Variants in ZNF501 observed in about 807,000 individuals in gnomAD.
The protein encoded by ZNF501 is zinc finger protein 501, also known as zinc finger protein 52.
Under a neutral mutation model 5.7 loss-of-function variants are expected in ZNF501, and 7 were observed. The observed-to-expected ratio is 1.24, with a 90% CI of 0.70 to 2.32. The LOEUF (loss-of-function observed/expected upper bound fraction) is 2.32, where lower values mean the gene tolerates loss of function less well. ZNF501 is among the 30% of genes most tolerant of loss of function. The probability of loss-of-function intolerance (pLI) is 0.00; values close to 1 mark genes in which losing one functional copy is unlikely to be tolerated. For missense variants in ZNF501, 352 were observed against 321.1 expected (o/e 1.10, Z -0.73); for synonymous variants, 107 against 101.9 (o/e 1.05, Z -0.30).
intron 2 of ZNF501, among the ~76,000 whole-genome samples, 156 bp from the exon 3 acceptor site, chr3:44,734,041 T>C (rs1704655203): frequency 6.6e-6 from 1 of 152,254 alleles, no homozygotes; most frequent in African/African-American, 2.4e-5. Flanking sequence ...AGGATACTTA[T>C]TCCTTTCATA....
rs762832975 is a variant in ZNF501, at chr3:44,734,436, A to G, written c.15A>G (p.Gln5=). The stretch of plus-strand genomic sequence containing the variant: ...TTACAAGCAGCATGAATTCCAGCCA[A>G]ATATCACTCAGAATGAAACATGGGA... The part of the protein sequence containing the change: MNSS[Q]ISLRMKHGRV... The change falls in exon 3 of 3, where the codon CAA becomes CAG. Residue 5 remains glutamine, a synonymous_variant. Coordinates refer to ENST00000620116, the MANE Select transcript of ZNF501 (RefSeq NM_001258280.2). The G allele has an allele frequency of 3.1e-6, 5 of 1,611,468 alleles. No homozygotes were observed. The South Asian group carries it at 3.3e-5, about 11-fold the overall frequency.
At chr3:44,730,128 A>G (rs1227732630) in intron 1 of ZNF501, 113 bp downstream of exon 1, 3 of 152,234 alleles carry the variant, frequency 2.0e-5, no homozygotes, top group Admixed American at 2.0e-4. Context: ...AGCAGGCACT[A>G]TTTATTGAAT....
intron 1 of ZNF501, 117 bp downstream of exon 1, chr3:44,730,132 A>G (rs780525102): frequency 1.3e-5 from 2 of 152,244 alleles, no homozygotes; most frequent in East Asian, 3.8e-4. Context: ...GGCACTATTT[A>G]TTGAATGCTT....
rs775346608 is a variant in ZNF501 at position 44,735,146 on chromosome 3, G to A, written c.725G>A (p.Gly242Glu). ...AGTGAGCATTACAGAATTCATACTG[G>A]AGAAAAACCTTATGAGTGTGTTGGA... ...HLSEHYRIHTGEKPYECVGCG... is the reference protein window; with the variant it reads ...HLSEHYRIHTEEKPYECVGCG... Residue 242 changes from glycine (G) to glutamate (E), a missense_variant, in exon 3 of 3, where the codon GGA (glycine) becomes GAA (glutamate). By Grantham distance (98) the Gly-to-Glu change is moderately conservative. Coordinates refer to ENST00000620116, the MANE Select transcript of ZNF501 (RefSeq NM_001258280.2). 6.2e-7 allele frequency: 1 copy of A among 1,613,992 alleles called. No individual in the cohort carries two copies. Among genetic ancestry groups the A allele is most frequent in the South Asian group, 1.1e-5 (1 of 91,060 alleles).
At chr3:44,733,215 C>T (rs149911436) in intron 2 of ZNF501, among the ~76,000 whole-genome samples, 12 of 152,222 alleles carry the variant, frequency 7.9e-5, no homozygotes, top group South Asian at 2.1e-4. Flanking sequence ...AAAAATGGGC[C>T]TCAGAGAAGA....
chr3:44,735,597 G>T lies in ZNF501; in HGVS notation c.*360G>T, dbSNP rs1245895867. ...AAAATCTGACAAGTAAATCAGCATT[G>T]TTGTTTGGTTCTCATAATGTATTGT... On this transcript the variant is annotated 3_prime_UTR_variant, in exon 3 of 3. Coordinates refer to ENST00000620116, the MANE Select transcript of ZNF501 (RefSeq NM_001258280.2). 1.1e-5 allele frequency: 2 copies of T among 186,426 alleles called. No individual in the cohort carries two copies. The highest frequency in any genetic ancestry group is 3.3e-4 in the East Asian group (2 of 6,122). The allele number at this position is 186,426 out of a possible 1,614,324, so 11.5% of individuals were successfully genotyped here.
chr3:44,734,019 A>G (rs1704654613), intron 2 of ZNF501, among the ~76,000 whole-genome samples, 178 bp from the exon 3 acceptor site: 1 of 152,234 alleles, frequency 6.6e-6, no homozygotes, highest in African/African-American at 2.4e-5. Context: ...TAACACTTAT[A>G]TGCCCAAGTC....
Position 44,735,248 on chromosome 3 carries a change from ATAATG to A in ZNF501, c.*12_*16del, listed in dbSNP as rs1704679901. 6.5e-7 allele frequency: 1 copy of A among 1,531,988 alleles called. No homozygotes were observed. Among genetic ancestry groups the A allele is most frequent in the Non-Finnish European group, 8.8e-7 (1 of 1,140,760 alleles). The allele number at this position is 1,531,988 out of a possible 1,614,324, so 94.9% of individuals were successfully genotyped here. A position where few individuals can be genotyped will look rare whatever the true frequency, so the allele number is the denominator to read the frequency against. ...CATGCTGGAGAGTAAAATTTGGAAT[ATAATG>A]AGTATGGGAAGATTTGTATGGAAGC... is the stretch of plus-strand genomic sequence containing the variant. On this transcript the variant is annotated 3_prime_UTR_variant, in exon 3 of 3. Transcript: ENST00000620116.
chr3:44,730,145 C>G (rs1704587940), intron 1 of ZNF501, 130 bp downstream of exon 1: 1 of 152,136 alleles, frequency 6.6e-6, no homozygotes, highest in African/African-American at 2.4e-5. Context: ...GAATGCTTAC[C>G]AGCTGGCATT....
chr3:44,735,363 T>C lies in ZNF501; in HGVS notation c.*126T>C, dbSNP rs1575552346. On this transcript the variant is annotated 3_prime_UTR_variant, in exon 3 of 3. Transcript: ENST00000620116. ...ATTTTGTATTTTGAACAAGAAATGT[T>C]GTGTCCTAATGTGTCCTAGTCTGGA... 2 of 822,260 alleles carry C rather than the reference T, an allele frequency of 2.4e-6. No individual in the cohort carries two copies. The highest frequency in any genetic ancestry group is 3.8e-6 in the Non-Finnish European group (2 of 531,044). The allele number at this position is 822,260 out of a possible 1,614,324, so 50.9% of individuals were successfully genotyped here.
chr3:44,736,517 C>T lies in ZNF501; in HGVS notation c.*1280C>T, dbSNP rs1311825241. 2 of 166,946 alleles carry T rather than the reference C, an allele frequency of 1.2e-5. No homozygotes were observed. Among genetic ancestry groups the T allele is most frequent in the African/African-American group, 4.8e-5 (2 of 41,398 alleles). 10.3% of individuals were successfully genotyped at this position (166,946 alleles called of 1,614,324 possible). A position where few individuals can be genotyped will look rare whatever the true frequency, so the allele number is the denominator to read the frequency against. On this transcript the variant is annotated 3_prime_UTR_variant, in exon 3 of 3. Transcript: ENST00000620116. ...AAGTCACATACAGGTAATTTCCCAC[C>T]ATTGAACCTTCCTGTTGGTGTGAGA...
At position 44,735,201 on chromosome 3, in the gene ZNF501, A is replaced by C. The variant is rs1704678493; in HGVS notation, c.780A>C (p.Ala260=). ...GCGKSFRHSS[A]LLRHQRLHAG... ...GGAAATCCTTTAGGCACAGTTCAGC[A>C]CTTCTTCGACATCAGAGGCTTCATG... is the stretch of plus-strand genomic sequence containing the variant. Residue 260 remains alanine (A), a synonymous_variant, in exon 3 of 3, where the codon GCA becomes GCC. Coordinates refer to ENST00000620116, the MANE Select transcript of ZNF501 (RefSeq NM_001258280.2). 1.9e-6 allele frequency: 3 copies of C among 1,589,476 alleles called. No homozygotes were observed. Among genetic ancestry groups the C allele is most frequent in the Middle Eastern group, 1.7e-4 (1 of 5,950 alleles).
chr3:44,732,305 A>G (rs1704627033), intron 2 of ZNF501: 1 of 152,214 alleles, frequency 6.6e-6, no homozygotes, highest in Admixed American at 6.5e-5. Context: ...GTAGCTGACC[A>G]TTTAATAGAA....
chr3:44,735,258 T>C lies in ZNF501; in HGVS notation c.*21T>C, dbSNP rs199786232. On this transcript the variant is annotated 3_prime_UTR_variant, in exon 3 of 3. Coordinates refer to ENST00000620116, the MANE Select transcript of ZNF501 (RefSeq NM_001258280.2). Reference sequence around the variant, plus strand: ...AGTAAAATTTGGAATATAATGAGTATGGGAAGATTTGTATGGAAGCACCTT... The same window carrying C: ...AGTAAAATTTGGAATATAATGAGTACGGGAAGATTTGTATGGAAGCACCTT... The C allele has an allele frequency of 3.3e-4, 501 of 1,517,822 alleles. 1 individual carries two copies. Among genetic ancestry groups the C allele is most frequent in the Middle Eastern group, 5.3e-4 (3 of 5,614 alleles). The allele number at this position is 1,517,822 out of a possible 1,614,324, so 94.0% of individuals were successfully genotyped here.
rs546727341 is a variant in ZNF501, at chr3:44,732,601, C to T, written c.-226+1041C>T. ...ATATAGCAGTGTGTATCATTTGACT[C>T]TCAGCCCCAATAGATCCATATGTAC... On this transcript the variant is annotated intron_variant, in intron 2 of 2. Coordinates refer to ENST00000620116, the MANE Select transcript of ZNF501 (RefSeq NM_001258280.2). Among the ~76,000 whole-genome samples, 4 of 152,314 alleles carry T rather than the reference C, an allele frequency of 2.6e-5. No homozygotes were observed. The South Asian group carries it at 8.3e-4, about 32-fold the overall frequency.
rs765518806 is a variant in ZNF501 at position 44,734,458 on chromosome 3, G to A, written c.37G>A (p.Gly13Arg). 28 of 1,613,852 alleles carry A rather than the reference G, an allele frequency of 1.7e-5. No homozygotes were observed. In the East Asian group the frequency reaches 4.9e-4, roughly 28 times the overall value. The change falls in exon 3 of 3, where the codon GGG becomes AGG. Residue 13 changes from glycine (G) to arginine (R), a missense_variant. By Grantham distance (125) the Gly-to-Arg change is moderately radical (BLOSUM62 -2). Coordinates refer to ENST00000620116, the MANE Select transcript of ZNF501 (RefSeq NM_001258280.2). The stretch of plus-strand genomic sequence containing the variant: ...CCAAATATCACTCAGAATGAAACAT[G>A]GGAGAGTTAACATGCAGAAGAAACC... ...SSQISLRMKH[G>R]RVNMQKKPSK...
At position 44,734,975 on chromosome 3, in the gene ZNF501, C is replaced by A; in HGVS notation, c.554C>A (p.Ser185Ter). 3.1e-6 allele frequency: 5 copies of A among 1,614,056 alleles called. No homozygotes were observed. The highest frequency in any genetic ancestry group is 4.2e-6 in the Non-Finnish European group (5 of 1,180,010). Reference sequence around the variant, plus strand: ...CTCATGCAGCATCAGAGAATTCATTCAGGAGAGAAGCCCTACACATGCACT... The same window carrying A: ...CTCATGCAGCATCAGAGAATTCATTAAGGAGAGAAGCCCTACACATGCACT... ...ACLMQHQRIHSGEKPYTCTEC... is the reference protein window; with the variant it reads ...ACLMQHQRIH Residue 185 changes from serine to a stop codon, truncating the protein, a stop_gained, in exon 3 of 3, where the codon TCA (serine) becomes TAA (stop). Transcript: ENST00000620116. LOFTEE classifies it high-confidence loss of function.
chr3:44,732,990 AT>A (rs1704636453), intron 2 of ZNF501, among the ~76,000 whole-genome samples: 1 of 151,990 alleles, frequency 6.6e-6, no homozygotes, highest in South Asian at 2.1e-4. Flanking sequence ...CACCCAGCTA[AT>A]TTTTTATTTT....
rs536732973 is a variant in ZNF501, at chr3:44,729,783, C to T, written c.-543C>T. 1 of 152,422 alleles carries T rather than the reference C, an allele frequency of 6.6e-6. No homozygotes were observed. The highest frequency in any genetic ancestry group is 2.1e-4 in the South Asian group (1 of 4,834). The allele number at this position is 152,422 out of a possible 1,614,324, so 9.4% of individuals were successfully genotyped here. On this transcript the variant is annotated 5_prime_UTR_variant, in exon 1 of 3. The change creates a premature stop within an existing upstream ORF in the 5' untranslated region. Transcript: ENST00000620116. ...CGATTCCAGCTCCTCCCTCGGGAAG[C>T]AGGGCGTTTTTCTTCCTGGAGGGCC...
Sources: allele counts gnomAD v4.1 joint callset (sites outside exome capture counted in the v4.1 genomes callset), GRCh38; gene constraint gnomAD v4.1.1; transcripts MANE v1.5; gene names NCBI Gene and HGNC (gene_info 2026-07-23, HGNC 2026-07-21).